AUTS2: variants seen among roughly 807,000 people sequenced by gnomAD.
AUTS2 encodes autism susceptibility gene 2 protein.
Under a neutral mutation model 112.4 loss-of-function variants are expected in AUTS2, and 17 were observed. The observed-to-expected ratio is 0.15, with a 90% CI of 0.10 to 0.23. AUTS2 has a LOEUF of 0.23. Ranked by LOEUF, AUTS2 falls within the 10% of genes least tolerant of loss-of-function variation. The pLI is 1.00. For synonymous variants in AUTS2, 751 were observed against 702.7 expected, an observed-to-expected ratio of 1.07 and a Z score of -1.09; for missense variants, 1,510 against 1,701.6, an observed-to-expected ratio of 0.89 and a Z score of 1.98.
At chr7:69,819,172 A>G (rs1790882373) in intron 1 of AUTS2, among the ~76,000 whole-genome samples, 2 of 152,200 alleles carry the variant, frequency 1.3e-5, no homozygotes, top group African/African-American at 2.4e-5. Flanking sequence ...GAATTGTGCA[A>G]CACATCAAAT....
At chr7:69,915,812 TG>T (rs1795554242) in intron 2 of AUTS2, among the ~76,000 whole-genome samples, 1 of 152,180 alleles carries the variant, frequency 6.6e-6, no homozygotes, top group African/African-American at 2.4e-5. Flanking sequence ...CTGTACCCTC[TG>T]CCCCCCGGGC....
At chr7:70,576,539 G>T (rs1248977178) in intron 5 of AUTS2, among the ~76,000 whole-genome samples, 1 of 152,148 alleles carries the variant, frequency 6.6e-6, no homozygotes, top group Non-Finnish European at 1.5e-5. Context: ...CATACAGCTT[G>T]ACTTTCTGCT....
chr7:69,848,229 G>T (rs771831276), intron 1 of AUTS2, among the ~76,000 whole-genome samples: 1 of 152,152 alleles, frequency 6.6e-6, no homozygotes, highest in Admixed American at 6.5e-5. Context: ...AAGGAAAGAC[G>T]ATTGCAGCCT....
At chr7:70,776,117 C>T (rs751824240) in intron 13 of AUTS2, among the ~76,000 whole-genome samples, 28 of 152,224 alleles carry the variant, frequency 1.8e-4, no homozygotes, top group Non-Finnish European at 3.8e-4. Flanking sequence ...CCCATAATTT[C>T]ATTGCAAGAG....
At chr7:70,361,459 C>A (rs1792263009) in intron 4 of AUTS2, among the ~76,000 whole-genome samples, 1 of 152,140 alleles carries the variant, frequency 6.6e-6, no homozygotes. Flanking sequence ...TTTCTTTAAG[C>A]ACTTGTTGTG....
intron 2 of AUTS2, among the ~76,000 whole-genome samples, chr7:70,030,280 A>G (rs920903239): frequency 3.9e-5 from 6 of 152,242 alleles, no homozygotes; most frequent in Non-Finnish European, 8.8e-5. Flanking sequence ...ATGGGCTGCC[A>G]CAGTCCAGTT....
intron 18 of AUTS2, among the ~76,000 whole-genome samples, chr7:70,787,809 A>C (rs1791612886): frequency 6.6e-6 from 1 of 152,204 alleles, no homozygotes; most frequent in African/African-American, 2.4e-5. Flanking sequence ...CCATTTAACC[A>C]TCCATAGGTT....
At position 69,847,289 on chromosome 7, in the gene AUTS2, G is replaced by C. The variant is rs575728603; in HGVS notation, c.310-51997G>C. Among the ~76,000 whole-genome samples, 11 of 152,348 alleles carry C rather than the reference G, an allele frequency of 7.2e-5. No individual in the cohort carries two copies. The Middle Eastern group carries it at 0.014, about 188-fold the overall frequency. On this transcript the variant is annotated intron_variant, in intron 1 of 18. Coordinates refer to ENST00000342771, the MANE Select transcript of AUTS2 (RefSeq NM_015570.4). ...GTTCCTGAGGTATTACACTGAGCGT[G>C]TGGATAGAGAGAGGAAAAAGACCTA...
intron 4 of AUTS2, among the ~76,000 whole-genome samples, chr7:70,257,289 C>T (rs571695401): frequency 7.9e-5 from 12 of 152,146 alleles, no homozygotes; most frequent in Middle Eastern, 3.4e-3. Flanking sequence ...TACAGGCACA[C>T]GCCACCACAC....
intron 6 of AUTS2, among the ~76,000 whole-genome samples, chr7:70,758,946 ATAAAACTGTTTCAGCCCCCGAAGT>A (rs1789389316): frequency 6.6e-6 from 1 of 152,210 alleles, no homozygotes; most frequent in African/African-American, 2.4e-5. Flanking sequence ...ATGGGGAGTC[ATAAAACTGTTTCAGCCCCCGAAGT>A]TCTTACCAGC....
chr7:70,698,223 A>T (rs976051046), intron 5 of AUTS2, among the ~76,000 whole-genome samples: 5 of 152,264 alleles, frequency 3.3e-5, no homozygotes, highest in African/African-American at 1.2e-4. Context: ...CACGAAAAAC[A>T]TAACATTTCC....
chr7:69,683,995 A>G lies in AUTS2; in HGVS notation c.309+84033A>G, dbSNP rs75330292. On this transcript the variant is annotated intron_variant, in intron 1 of 18. Transcript: ENST00000342771. ...ACATAATGGAACCTCCCTAAATCTG[A>G]TTTTCTCCAGCTATAAAATGAAGGG... is the stretch of plus-strand genomic sequence containing the variant. 5.5e-3 allele frequency among the ~76,000 whole-genome samples: 839 copies of G among 152,128 alleles called. 1 individual carries two copies. The highest frequency in any genetic ancestry group is 9.0e-3 in the Non-Finnish European group (615 of 67,990).
intron 4 of AUTS2, among the ~76,000 whole-genome samples, chr7:70,227,048 G>C (rs1266724554): frequency 6.6e-6 from 1 of 152,072 alleles, no homozygotes; most frequent in African/African-American, 2.4e-5. Context: ...AAAACAGTTT[G>C]TATAAAATCC....
At chr7:69,785,971 C>T (rs1361803587) in intron 1 of AUTS2, among the ~76,000 whole-genome samples, 1 of 152,150 alleles carries the variant, frequency 6.6e-6, no homozygotes, top group East Asian at 1.9e-4. Flanking sequence ...GCTGGGATTA[C>T]AGGTGCCCGC....
intron 4 of AUTS2, among the ~76,000 whole-genome samples, chr7:70,226,699 T>C (rs901719350): frequency 4.6e-5 from 7 of 152,202 alleles, no homozygotes; most frequent in African/African-American, 1.7e-4. Context: ...TTAGTAAATA[T>C]CTACTACATG....
intron 4 of AUTS2, among the ~76,000 whole-genome samples, chr7:70,181,335 T>C (rs901545574): frequency 2.6e-5 from 4 of 152,236 alleles, no homozygotes; most frequent in Non-Finnish European, 5.9e-5. Flanking sequence ...GCGTGATTGA[T>C]ACAAGACTGC....
chr7:69,804,698 G>A (rs1387575689), intron 1 of AUTS2, among the ~76,000 whole-genome samples: 2 of 152,184 alleles, frequency 1.3e-5, no homozygotes, highest in Non-Finnish European at 2.9e-5. Flanking sequence ...AGTTGTTGTC[G>A]AGAATCGTGC....
At chr7:70,440,003 A>G (rs567323455) in intron 5 of AUTS2, among the ~76,000 whole-genome samples, 5 of 152,180 alleles carry the variant, frequency 3.3e-5, no homozygotes, top group South Asian at 2.1e-4. Context: ...GTCCATTTCT[A>G]TTTTGTTGTG....
At chr7:70,426,667 T>C (rs1345934351) in intron 4 of AUTS2, among the ~76,000 whole-genome samples, 1 of 152,194 alleles carries the variant, frequency 6.6e-6, no homozygotes, top group Non-Finnish European at 1.5e-5. Context: ...GATATCCTTT[T>C]ATCTTAAAGT....
Sources: allele counts gnomAD v4.1 joint callset (sites outside exome capture counted in the v4.1 genomes callset), GRCh38; gene constraint gnomAD v4.1.1; transcripts MANE v1.5; gene names NCBI Gene and HGNC (gene_info 2026-07-23, HGNC 2026-07-21).